DLGAP1: variants seen among roughly 807,000 people sequenced by gnomAD.
The protein encoded by DLGAP1 is disks large-associated protein 1.
In DLGAP1, 11 loss-of-function variants were observed where a neutral mutation model predicts 90.8. The observed-to-expected ratio is 0.12, with a 90% CI of 0.08 to 0.20. DLGAP1 has a LOEUF of 0.20. DLGAP1 is among the 10% of genes least tolerant of loss of function. The probability of loss-of-function intolerance (pLI) is 1.00; values close to 1 mark genes in which losing one functional copy is unlikely to be tolerated. For synonymous variants in DLGAP1, 558 were observed against 540.7 expected (o/e 1.03, Z -0.44); for missense variants, 1,050 against 1,333.8 (o/e 0.79, Z 3.31).
Position 3,729,178 on chromosome 18 carries a change from C to T in DLGAP1, c.1548G>A (p.Pro516=), listed in dbSNP as rs146904332. 4.8e-5 allele frequency: 77 copies of T among 1,613,132 alleles called. No individual in the cohort carries two copies. The Middle Eastern group carries it at 8.3e-4, about 17-fold the overall frequency. The change falls in exon 7 of 13, where the codon CCG becomes CCA. Residue 516 remains proline (P), a synonymous_variant. Transcript: ENST00000315677. This position sits in a 1 kb window ranked among gnomAD's most constrained non-coding sequence, Gnocchi z 6.2. ...TCCTAACGGTGGTGGTGGTGCGCGGCGGCGAGGACGACCTCAGGGACACGC... is the reference window on the plus strand; with the variant it reads ...TCCTAACGGTGGTGGTGGTGCGCGGTGGCGAGGACGACCTCAGGGACACGC... ...DECVSLRSSS[P]PRTTTTVRTI...
chr18:3,613,081 A>G (rs1269304081), intron 7 of DLGAP1, among the ~76,000 whole-genome samples: 1 of 152,070 alleles, frequency 6.6e-6, no homozygotes, highest in Non-Finnish European at 1.5e-5. Flanking sequence ...CAGGTGGTCC[A>G]CCTGCCTCGG....
chr18:3,750,652 T>C (rs904770735), intron 5 of DLGAP1, among the ~76,000 whole-genome samples: 2 of 152,210 alleles, frequency 1.3e-5, no homozygotes, highest in African/African-American at 4.8e-5. Context: ...CTTGTCCTGC[T>C]AGTTACTTCG....
intron 4 of DLGAP1, among the ~76,000 whole-genome samples, chr18:3,852,660 T>C (rs1402610777): frequency 2.0e-5 from 3 of 152,202 alleles, no homozygotes; most frequent in Non-Finnish European, 4.4e-5. Context: ...AGAATTTTTT[T>C]CTATTCCCAA....
At chr18:4,239,368 A>C (rs2078482729) in intron 1 of DLGAP1, among the ~76,000 whole-genome samples, 1 of 152,102 alleles carries the variant, frequency 6.6e-6, no homozygotes, top group African/African-American at 2.4e-5. Flanking sequence ...TTTTTTAAAC[A>C]AAGGAACTGA....
chr18:3,791,929 A>G (rs2065753704), intron 5 of DLGAP1, among the ~76,000 whole-genome samples: 1 of 152,166 alleles, frequency 6.6e-6, no homozygotes, highest in African/African-American at 2.4e-5. Context: ...TAAAATTAAA[A>G]AAAGGCAAAT....
chr18:3,693,945 T>C (rs2060990633), intron 7 of DLGAP1, among the ~76,000 whole-genome samples: 2 of 152,128 alleles, frequency 1.3e-5, no homozygotes, highest in African/African-American at 2.4e-5. Context: ...GTTTGTTACA[T>C]AGGTATCCAT....
intron 5 of DLGAP1, among the ~76,000 whole-genome samples, chr18:3,781,833 C>T (rs2054262735): frequency 6.6e-6 from 1 of 152,204 alleles, no homozygotes; most frequent in South Asian, 2.1e-4. Flanking sequence ...AAACATATTG[C>T]TGTTCAAATT....
chr18:3,899,151 T>C (rs1189501498), intron 3 of DLGAP1, among the ~76,000 whole-genome samples: 1 of 152,186 alleles, frequency 6.6e-6, no homozygotes, highest in Non-Finnish European at 1.5e-5. Flanking sequence ...GAGGGGGAAA[T>C]GAGCCCACAA....
chr18:3,799,124 C>G (rs947541962), intron 5 of DLGAP1, among the ~76,000 whole-genome samples: 13 of 152,202 alleles, frequency 8.5e-5, no homozygotes, highest in Admixed American at 8.5e-4. Flanking sequence ...ATCCACCAGC[C>G]TTGGCTTCCT....
chr18:4,393,561 C>T (rs1303926342), intron 1 of DLGAP1, among the ~76,000 whole-genome samples: 1 of 152,214 alleles, frequency 6.6e-6, no homozygotes, highest in East Asian at 1.9e-4. Flanking sequence ...TTCTGGATCT[C>T]AACCATAGTT....
intron 1 of DLGAP1, among the ~76,000 whole-genome samples, chr18:4,352,108 G>C (rs2081415480): frequency 6.6e-6 from 1 of 152,136 alleles, no homozygotes; most frequent in Non-Finnish European, 1.5e-5. Context: ...GAATCACTCA[G>C]AGGCATTTGC....
intron 7 of DLGAP1, among the ~76,000 whole-genome samples, chr18:3,661,303 A>T (rs1462273250): frequency 6.6e-6 from 1 of 152,222 alleles, no homozygotes; most frequent in Admixed American, 6.5e-5. Flanking sequence ...TCCCACAGAC[A>T]GGTGGAGGCT....
intron 1 of DLGAP1, among the ~76,000 whole-genome samples, chr18:4,306,464 A>T (rs8098938): frequency 7.3e-4 from 39 of 53,358 alleles, no homozygotes; most frequent in African/African-American, 2.8e-3. Context: ...TGTGTGTGTG[A>T]GAGAGAGAGA....
intron 7 of DLGAP1, among the ~76,000 whole-genome samples, chr18:3,682,232 T>C (rs955715303): frequency 6.6e-6 from 1 of 152,190 alleles, no homozygotes; most frequent in Non-Finnish European, 1.5e-5. Context: ...GCTCCTGCTC[T>C]GGCCATGTGA....
intron 9 of DLGAP1, among the ~76,000 whole-genome samples, chr18:3,547,027 C>A (rs1382930702): frequency 2.0e-5 from 3 of 151,622 alleles, no homozygotes; most frequent in Non-Finnish European, 4.4e-5. Flanking sequence ...GAGAGCCGGG[C>A]GCGGTGGCTC....
At chr18:3,706,363 C>A (rs1450096060) in intron 7 of DLGAP1, among the ~76,000 whole-genome samples, 1 of 152,122 alleles carries the variant, frequency 6.6e-6, no homozygotes, top group African/African-American at 2.4e-5. Flanking sequence ...TTAATACCAG[C>A]CCTGAAGCTT....
intron 1 of DLGAP1, among the ~76,000 whole-genome samples, chr18:4,429,732 G>A (rs1226546728): frequency 6.6e-6 from 1 of 151,786 alleles, no homozygotes; most frequent in Non-Finnish European, 1.5e-5. Flanking sequence ...TCATGAAACA[G>A]GCATAAAGAC....
At chr18:4,309,046 T>C (rs573610768) in intron 1 of DLGAP1, among the ~76,000 whole-genome samples, 12 of 152,312 alleles carry the variant, frequency 7.9e-5, no homozygotes, top group Admixed American at 5.9e-4. Context: ...ATAACGCCTA[T>C]AGAAATATTC....
intron 1 of DLGAP1, among the ~76,000 whole-genome samples, chr18:4,397,875 A>G (rs2082472561): frequency 6.6e-6 from 1 of 152,170 alleles, no homozygotes; most frequent in Non-Finnish European, 1.5e-5. Context: ...TATCTGCCTA[A>G]TAAGAGCAGG....
Sources: allele counts gnomAD v4.1 joint callset (sites outside exome capture counted in the v4.1 genomes callset), GRCh38; gene constraint gnomAD v4.1.1; non-coding constraint Gnocchi (gnomAD v3.1); transcripts MANE v1.5; gene names NCBI Gene and HGNC (gene_info 2026-07-23, HGNC 2026-07-21).